HPSE2: variants seen among roughly 807,000 people sequenced by gnomAD.
HPSE2 encodes heparanase 2 (inactive), also known as inactive heparanase-2.
In HPSE2, 38 loss-of-function variants were observed where a neutral mutation model predicts 60.5. The ratio of observed to expected loss-of-function variants is 0.63; its 90% confidence interval spans 0.48 to 0.82. HPSE2 has a LOEUF of 0.82. HPSE2 is among the 40% of genes least tolerant of loss of function. The pLI is 0.00. For synonymous variants in HPSE2, 295 were observed against 293.2 expected (o/e 1.01, Z -0.06); for missense variants, 713 against 740.4 (o/e 0.96, Z 0.43).
At chr10:98,759,469 A>G (rs1949957315) in intron 3 of HPSE2, among the ~76,000 whole-genome samples, 1 of 152,110 alleles carries the variant, frequency 6.6e-6, no homozygotes, top group Admixed American at 6.6e-5. Context: ...TAAATTTTGC[A>G]TATGGTGTTA....
chr10:99,030,880 C>A (rs567707790), intron 3 of HPSE2, among the ~76,000 whole-genome samples: 11 of 152,194 alleles, frequency 7.2e-5, no homozygotes, highest in Admixed American at 2.0e-4. Context: ...AAGACAGGCA[C>A]AGAAGACAAA....
intron 3 of HPSE2, among the ~76,000 whole-genome samples, chr10:98,763,706 G>A (rs1378740045): frequency 6.6e-6 from 1 of 151,150 alleles, no homozygotes. Flanking sequence ...TATCTTCAAA[G>A]TGCTGAAAAA....
intron 3 of HPSE2, among the ~76,000 whole-genome samples, chr10:99,095,856 G>A: frequency 6.6e-6 from 1 of 152,224 alleles, no homozygotes; most frequent in East Asian, 1.9e-4. Context: ...AAGTTTTTGT[G>A]TGGACATCCT....
intron 2 of HPSE2, among the ~76,000 whole-genome samples, chr10:99,229,030 C>T (rs1192147102): frequency 6.6e-6 from 1 of 151,860 alleles, no homozygotes; most frequent in African/African-American, 2.4e-5. Context: ...CAAAAATTAG[C>T]GAGGCATGGT....
At chr10:99,099,936 C>T (rs1204895406) in intron 3 of HPSE2, among the ~76,000 whole-genome samples, 3 of 152,156 alleles carry the variant, frequency 2.0e-5, no homozygotes, top group Admixed American at 6.5e-5. Context: ...AGGGTCCTGA[C>T]TATTAGAATG....
At chr10:98,889,195 T>C (rs76007571) in intron 3 of HPSE2, among the ~76,000 whole-genome samples, 2,894 of 76,484 alleles carry the variant, frequency 0.038, 99 homozygotes, top group East Asian at 0.25. Context: ...CTTTGTTTTT[T>C]AAACTTTATT....
chr10:99,117,418 A>G (rs12777672), intron 3 of HPSE2, among the ~76,000 whole-genome samples: 15 of 8,876 alleles, frequency 1.7e-3, no homozygotes, highest in East Asian at 0.012. Context: ...TGTTTTTTTG[A>G]AAAAAAAAAA....
chr10:98,806,815 C>T (rs837744), intron 3 of HPSE2, among the ~76,000 whole-genome samples: 17,634 of 152,010 alleles, frequency 0.12, 2,597 homozygotes, highest in African/African-American at 0.34. Flanking sequence ...CTTTTAATTA[C>T]GAAAAATCTC....
At chr10:98,571,151 G>A (rs566422311) in intron 9 of HPSE2, among the ~76,000 whole-genome samples, 45 of 152,304 alleles carry the variant, frequency 3.0e-4, no homozygotes, top group Non-Finnish European at 5.0e-4. Context: ...AAAGTAGAAA[G>A]ACCTAATGTA....
the HPSE2 span, among the ~76,000 whole-genome samples, chr10:99,244,386 TTA>T: frequency 1.1e-5 from 1 of 88,698 alleles, no homozygotes; most frequent in Non-Finnish European, 2.1e-5. Flanking sequence ...ATTTCTTTTA[TTA>T]TTATTATTAT....
intron 6 of HPSE2, among the ~76,000 whole-genome samples, chr10:98,656,288 T>C (rs1173021159): frequency 1.3e-5 from 2 of 152,166 alleles, no homozygotes; most frequent in East Asian, 1.9e-4. Flanking sequence ...GGTTTCACTG[T>C]GTTAGCCAGG....
chr10:99,218,160 CT>C (rs1445455636), intron 2 of HPSE2, among the ~76,000 whole-genome samples: 1 of 151,834 alleles, frequency 6.6e-6, no homozygotes, highest in Non-Finnish European at 1.5e-5. Flanking sequence ...TTGTACTAGT[CT>C]GGTCCCATCC....
chr10:98,571,327 G>A (rs928019889), intron 9 of HPSE2, among the ~76,000 whole-genome samples: 1 of 151,994 alleles, frequency 6.6e-6, no homozygotes, highest in Non-Finnish European at 1.5e-5. Context: ...AACACAGTGA[G>A]ATTCTATCTT....
chr10:98,878,526 G>A (rs1208614585), intron 3 of HPSE2, among the ~76,000 whole-genome samples: 1 of 151,966 alleles, frequency 6.6e-6, no homozygotes, highest in Admixed American at 6.6e-5. Flanking sequence ...ACTGAAGAAA[G>A]AGAAGGTTCA....
chr10:98,704,426 CAAA>C (rs202141251), intron 5 of HPSE2, among the ~76,000 whole-genome samples: 6 of 151,292 alleles, frequency 4.0e-5, no homozygotes, highest in African/African-American at 1.2e-4. Context: ...TCATATGGAA[CAAA>C]AAAAAAAAAG....
At chr10:98,991,390 A>G (rs967286785) in intron 3 of HPSE2, among the ~76,000 whole-genome samples, 1 of 152,206 alleles carries the variant, frequency 6.6e-6, no homozygotes, top group African/African-American at 2.4e-5. Flanking sequence ...AAGCAGGAGA[A>G]CAGCTAATGC....
In HPSE2 at chr10:98,513,798, A is replaced by G. The variant is rs1942499751; in HGVS notation, c.1321-23602T>C. Among the ~76,000 whole-genome samples, 3 of 152,206 alleles carry G rather than the reference A, an allele frequency of 2.0e-5. No individual in the cohort carries two copies. In the South Asian group the frequency reaches 6.2e-4, roughly 31 times the overall value. On this transcript the variant is annotated intron_variant, in intron 9 of 11. Transcript: ENST00000370552. ...AGTGAAACATTTCCTAGTGTTTAGT[A>G]TCAATAATGAATTGTCAAATGGTAC...
chr10:98,940,845 G>A, intron 3 of HPSE2, among the ~76,000 whole-genome samples: 1 of 139,490 alleles, frequency 7.2e-6, no homozygotes, highest in Admixed American at 7.1e-5. Flanking sequence ...TAAAATACTG[G>A]CAAAACAAAT....
chr10:99,132,551 C>T lies in HPSE2; in HGVS notation c.610+11687G>A, dbSNP rs116484917. ...TTTCCAACTGAGGTACCTGGTTCAT[C>T]GCATTGGGTCTGGTTGGATAGTAGG... is the stretch of plus-strand genomic sequence containing the variant. On this transcript the variant is annotated intron_variant, in intron 3 of 11. Transcript: ENST00000370552. Among the ~76,000 whole-genome samples, 516 of 152,154 alleles carry T rather than the reference C, an allele frequency of 3.4e-3. 3 individuals are homozygous for T. Among genetic ancestry groups the T allele is most frequent in the African/African-American group, 0.012 (494 of 41,538 alleles).
Sources: gnomAD v4.1 joint callset for allele counts (sites outside exome capture counted in the v4.1 genomes callset) on GRCh38, gnomAD v4.1.1 for gene constraint, MANE v1.5 for transcripts, NCBI Gene and HGNC (gene_info 2026-07-23, HGNC 2026-07-21) for gene names.